VEPH1: variants seen among roughly 807,000 people sequenced by gnomAD.
VEPH1 encodes ventricular zone-expressed PH domain-containing protein homolog 1.
In VEPH1, 80 loss-of-function variants were observed where a neutral mutation model predicts 85.2. The observed-to-expected ratio is 0.94, with a 90% CI of 0.78 to 1.13. The LOEUF (loss-of-function observed/expected upper bound fraction) is 1.13, where lower values mean the gene tolerates loss of function less well. Ranked by LOEUF, VEPH1 falls within the 50% of genes most tolerant of loss-of-function variation. The pLI, the probability that VEPH1 is intolerant of heterozygous loss-of-function variation, is 0.00. For missense variants in VEPH1, 955 were observed against 980.5 expected, an observed-to-expected ratio of 0.97 and a Z score of 0.35; for synonymous variants, 297 against 348.0, an observed-to-expected ratio of 0.85 and a Z score of 1.63.
chr3:157,286,425 G>A (rs1340313007), intron 12 of VEPH1, 132 bp downstream of exon 12: 1 of 748,020 alleles, frequency 1.3e-6, no homozygotes, highest in African/African-American at 1.7e-5. Context: ...GCACAAAGCA[G>A]GGACATGACT....
In VEPH1 at chr3:157,286,541, G is replaced by A. The variant is rs375788092; in HGVS notation, c.2128+16C>T. 2.5e-6 allele frequency: 4 copies of A among 1,604,496 alleles called. No homozygotes were observed. The highest frequency in any genetic ancestry group is 3.4e-6 in the Non-Finnish European group (4 of 1,171,376). Reference sequence around the variant, plus strand: ...GGGGCACAAATGGTTCTTAGCAGCAGGTAAGGGTCTCTCACCAGTTGCTTT... The same window carrying A: ...GGGGCACAAATGGTTCTTAGCAGCAAGTAAGGGTCTCTCACCAGTTGCTTT... On this transcript the variant is annotated intron_variant, in intron 12 of 13. Coordinates refer to ENST00000362010, the MANE Select transcript of VEPH1 (RefSeq NM_001167912.2).
chr3:157,269,167 A>AT (rs1463962964), intron 12 of VEPH1, among the ~76,000 whole-genome samples: 2 of 152,186 alleles, frequency 1.3e-5, no homozygotes, highest in African/African-American at 4.8e-5. Context: ...TAACTACTTT[A>AT]TTTTTTCTCA....
At chr3:157,400,232 T>C (rs1468728856) in intron 6 of VEPH1, among the ~76,000 whole-genome samples, 1 of 152,088 alleles carries the variant, frequency 6.6e-6, no homozygotes, top group Non-Finnish European at 1.5e-5. Flanking sequence ...AGTTGAGAAA[T>C]AGCTGATGAA....
chr3:157,382,750 A>G (rs1170674656), intron 6 of VEPH1, among the ~76,000 whole-genome samples: 2 of 152,200 alleles, frequency 1.3e-5, no homozygotes, highest in African/African-American at 2.4e-5. Flanking sequence ...TTCAAGGTGC[A>G]ACTCTTCCAT....
intron 3 of VEPH1, among the ~76,000 whole-genome samples, chr3:157,461,433 A>G (rs1443512733): frequency 6.6e-6 from 1 of 152,164 alleles, no homozygotes; most frequent in Non-Finnish European, 1.5e-5. Context: ...GCATTATTTG[A>G]TGACAGACAA....
At chr3:157,425,430 G>A (rs921165956) in intron 5 of VEPH1, among the ~76,000 whole-genome samples, 12 of 152,224 alleles carry the variant, frequency 7.9e-5, no homozygotes, top group Admixed American at 7.9e-4. Flanking sequence ...ACCTTGAAAA[G>A]TCACAGGGGT....
chr3:157,391,622 C>A (rs1577543704), intron 6 of VEPH1, among the ~76,000 whole-genome samples: 2 of 152,040 alleles, frequency 1.3e-5, no homozygotes, highest in East Asian at 3.9e-4. Context: ...ATCAGACATT[C>A]CTGATAAAGA....
At chr3:157,376,349 A>G (rs1225019409) in intron 7 of VEPH1, among the ~76,000 whole-genome samples, 1 of 152,160 alleles carries the variant, frequency 6.6e-6, no homozygotes, top group Non-Finnish European at 1.5e-5. Context: ...TCCACTGCTC[A>G]GCTCAGCCAG....
At chr3:157,277,522 A>G (rs1160353530) in intron 12 of VEPH1, among the ~76,000 whole-genome samples, 1 of 152,212 alleles carries the variant, frequency 6.6e-6, no homozygotes. Flanking sequence ...TTAAGGTGTT[A>G]CCTACACCAC....
chr3:157,498,731 A>T (rs1739871780), intron 1 of VEPH1, among the ~76,000 whole-genome samples: 1 of 152,196 alleles, frequency 6.6e-6, no homozygotes, highest in African/African-American at 2.4e-5. Flanking sequence ...GCTCTCATTA[A>T]TATTTTGCTC....
At chr3:157,293,801 C>G (rs1170933898) in intron 11 of VEPH1, among the ~76,000 whole-genome samples, 1 of 152,102 alleles carries the variant, frequency 6.6e-6, no homozygotes, top group East Asian at 1.9e-4. Flanking sequence ...CCACAATTAT[C>G]TTTTTTACAA....
chr3:157,306,586 T>A (rs551421361), intron 11 of VEPH1, among the ~76,000 whole-genome samples: 71 of 152,142 alleles, frequency 4.7e-4, no homozygotes, highest in African/African-American at 1.7e-3. Context: ...TGCTCCTGAT[T>A]TTTTGCTGCA....
At position 157,495,386 on chromosome 3, in the gene VEPH1, C is replaced by T. The variant is rs1280198005; in HGVS notation, c.-37G>A. On this transcript the variant is annotated 5_prime_UTR_variant, in exon 2 of 14. Transcript: ENST00000362010. ...GTTTGATCAGTTGACTTTCTACAGA[C>T]CCAGAGTCATGTGTTCCAGTTATCA... 6.2e-7 allele frequency: 1 copy of T among 1,608,444 alleles called. No individual in the cohort carries two copies. The highest frequency in any genetic ancestry group is 8.5e-7 in the Non-Finnish European group (1 of 1,177,370).
At chr3:157,335,215 C>T (rs56810791) in intron 9 of VEPH1, among the ~76,000 whole-genome samples, 15,326 of 150,058 alleles carry the variant, frequency 0.1, 2,491 homozygotes, top group African/African-American at 0.35. Context: ...CACTGGGCAA[C>T]ATAGTAGGAC....
At chr3:157,481,465 C>CAAAAA (rs1553796737) in intron 2 of VEPH1, among the ~76,000 whole-genome samples, 1 of 63,338 alleles carries the variant, frequency 1.6e-5, no homozygotes, top group South Asian at 6.0e-4. Flanking sequence ...CACACACACA[C>CAAAAA]AAAAAAAAAA....
chr3:157,368,338 G>T (rs1416297638), intron 7 of VEPH1, among the ~76,000 whole-genome samples: 1 of 152,154 alleles, frequency 6.6e-6, no homozygotes, highest in Admixed American at 6.5e-5. Context: ...TGTTCAAGTT[G>T]CTTTATAGCA....
In VEPH1 at chr3:157,287,881, G is replaced by A. The variant is rs895235254; in HGVS notation, c.2011-1207C>T. On this transcript the variant is annotated intron_variant, in intron 11 of 13. Transcript: ENST00000362010. ...TGCATGGCCTGCATTGGTTTTAATG[G>A]AAAATAATGCATTGAATTATTTACC... is the stretch of plus-strand genomic sequence containing the variant. Among the ~76,000 whole-genome samples the A allele has an allele frequency of 2.0e-5, 3 of 152,152 alleles. No homozygotes were observed. In the South Asian group the frequency reaches 6.2e-4, roughly 32 times the overall value.
At chr3:157,368,531 G>A (rs889946585) in intron 7 of VEPH1, among the ~76,000 whole-genome samples, 4 of 151,534 alleles carry the variant, frequency 2.6e-5, no homozygotes, top group Non-Finnish European at 4.4e-5. Flanking sequence ...ACGCTCTGTC[G>A]CCCAGGCTGG....
In VEPH1 at chr3:157,442,282, C is replaced by A. The variant is rs375692854; in HGVS notation, c.530-13794G>T. The A allele has an allele frequency of 3.2e-6, 4 of 1,243,396 alleles. No homozygotes were observed. The East Asian group carries it at 1.0e-4, about 32-fold the overall frequency. 77.0% of individuals were successfully genotyped at this position (1,243,396 alleles called of 1,614,324 possible). The stretch of plus-strand genomic sequence containing the variant: ...GCTTTCAATTGTAATAATTAAAATT[C>A]TTATGTTAAATAACTAATGCCAGAA... On this transcript the variant is annotated intron_variant, in intron 4 of 13. Coordinates refer to ENST00000362010, the MANE Select transcript of VEPH1 (RefSeq NM_001167912.2).
Sources: gnomAD v4.1 joint callset for allele counts (sites outside exome capture counted in the v4.1 genomes callset) on GRCh38, gnomAD v4.1.1 for gene constraint, MANE v1.5 for transcripts, NCBI Gene and HGNC (gene_info 2026-07-23, HGNC 2026-07-21) for gene names.